Variants in DNER observed in about 807,000 individuals in gnomAD.
The protein encoded by DNER is delta and Notch-like epidermal growth factor-related receptor.
DNER carries 33 observed loss-of-function variants against 78.2 expected under a neutral mutation model. The ratio of observed to expected loss-of-function variants is 0.42; its 90% CI spans 0.32 to 0.56. The LOEUF is 0.56. Among genes scored for constraint, DNER ranks in the 20% least tolerant of loss-of-function variants. The pLI, the probability that DNER is intolerant of heterozygous loss-of-function variation, is 0.11. For missense variants in DNER, 918 were observed against 975.3 expected (o/e 0.94, Z 0.78); for synonymous variants, 417 against 384.8 (o/e 1.08, Z -0.98).
intron 1 of DNER, among the ~76,000 whole-genome samples, chr2:229,641,237 T>G (rs1574939899): frequency 6.6e-6 from 1 of 151,134 alleles, no homozygotes; most frequent in Admixed American, 6.6e-5. Context: ...GGAGTGGGGG[T>G]GAGGTTAGAG....
chr2:229,466,979 C>T (rs1001503068), intron 7 of DNER, among the ~76,000 whole-genome samples: 13 of 152,074 alleles, frequency 8.5e-5, no homozygotes, highest in Non-Finnish European at 1.6e-4. Flanking sequence ...GCATAAATTT[C>T]TTTGGTCATC....
intron 10 of DNER, among the ~76,000 whole-genome samples, chr2:229,393,446 TA>T (rs1033783462): frequency 6.7e-6 from 1 of 148,526 alleles, no homozygotes; most frequent in Non-Finnish European, 1.5e-5. Context: ...AAAATAAAAA[TA>T]AAAAAATAGT....
Position 229,443,140 on chromosome 2 carries a change from C to T in DNER, c.1486+4176G>A, listed in dbSNP as rs1410391149. ...TATTTCCACGTAAAAATCTCCAATG[C>T]CCTGTCCCTTAAATTCCCTTAAATA... On this transcript the variant is annotated intron_variant, in intron 8 of 12. Transcript: ENST00000341772. 2.6e-5 allele frequency among the ~76,000 whole-genome samples: 4 copies of T among 152,280 alleles called. 1 individual carries two copies. Among genetic ancestry groups the T allele is most frequent in the Middle Eastern group, 6.8e-3 (2 of 294 alleles).
chr2:229,469,748 G>A (rs1694883987), intron 7 of DNER, among the ~76,000 whole-genome samples: 1 of 152,214 alleles, frequency 6.6e-6, no homozygotes, highest in Admixed American at 6.5e-5. Flanking sequence ...TTCGAGACCA[G>A]CTTGGCCAAC....
intron 1 of DNER, among the ~76,000 whole-genome samples, chr2:229,668,352 G>A (rs542972458): frequency 8.0e-5 from 12 of 149,856 alleles, no homozygotes; most frequent in Middle Eastern, 3.5e-3. Context: ...ATCACTTCGC[G>A]TCCCAGAAAT....
Position 229,447,377 on chromosome 2 carries a change from G to C in DNER, c.1425C>G (p.Ser475Arg). ...CAQLIDFCAL[S>R]PCAHGTCRSV... ...TGCGGCACGTGCCATGAGCACAGGGGCTGAGGGCACAGAAGTCAATAAGCT... is the reference window on the plus strand; with the variant it reads ...TGCGGCACGTGCCATGAGCACAGGGCCTGAGGGCACAGAAGTCAATAAGCT... The change falls in exon 8 of 13, where the codon AGC (serine) becomes AGG (arginine). Residue 475 changes from serine (S) to arginine (R), a missense_variant. Coordinates refer to ENST00000341772, the MANE Select transcript of DNER (RefSeq NM_139072.4). The C allele has an allele frequency of 6.2e-7, 1 of 1,613,018 alleles. No individual in the cohort carries two copies. Among genetic ancestry groups the C allele is most frequent in the East Asian group, 2.2e-5 (1 of 44,842 alleles).
intron 1 of DNER, among the ~76,000 whole-genome samples, chr2:229,681,934 T>A (rs904511875): frequency 1.3e-5 from 2 of 152,064 alleles, no homozygotes; most frequent in Admixed American, 6.6e-5. Context: ...TTAGTAAATG[T>A]CATCTCAAGA....
chr2:229,651,711 G>T (rs1293545246), intron 1 of DNER, among the ~76,000 whole-genome samples: 2 of 152,182 alleles, frequency 1.3e-5, no homozygotes, highest in Non-Finnish European at 2.9e-5. Context: ...CCCAAACAAT[G>T]AATTTAGCCA....
Position 229,502,379 on chromosome 2 carries a change from G to T in DNER, c.1147+10404C>A, listed in dbSNP as rs1695638656. Among the ~76,000 whole-genome samples, 4 of 152,130 alleles carry T rather than the reference G, an allele frequency of 2.6e-5. No individual in the cohort carries two copies. The South Asian group carries it at 8.3e-4, about 32-fold the overall frequency. ...GCAGTGCAGAGATGGGCTGAACCTA[G>T]ATACGTTCCTCTTGCACCCTCCTTG... On this transcript the variant is annotated intron_variant, in intron 6 of 12. Transcript: ENST00000341772.
intron 1 of DNER, among the ~76,000 whole-genome samples, chr2:229,679,898 T>G (rs1559206727): frequency 6.6e-6 from 1 of 152,158 alleles, no homozygotes; most frequent in African/African-American, 2.4e-5. Context: ...CTTTCTCACA[T>G]GAGAAAGTGG....
intron 1 of DNER, among the ~76,000 whole-genome samples, chr2:229,673,042 A>G (rs1265976551): frequency 6.6e-6 from 1 of 152,126 alleles, no homozygotes; most frequent in African/African-American, 2.4e-5. Context: ...TCCACATAAC[A>G]CAGGAAGACA....
intron 7 of DNER, among the ~76,000 whole-genome samples, chr2:229,461,222 A>G (rs1182136610): frequency 6.6e-6 from 1 of 152,046 alleles, no homozygotes; most frequent in Non-Finnish European, 1.5e-5. Flanking sequence ...CATACATTAT[A>G]TATAAAGAGT....
At chr2:229,520,849 C>T (rs764448248) in intron 5 of DNER, among the ~76,000 whole-genome samples, 2 of 152,178 alleles carry the variant, frequency 1.3e-5, no homozygotes, top group Non-Finnish European at 2.9e-5. Context: ...AATCTCTGCT[C>T]GCCTTAAGGA....
chr2:229,520,048 G>C (rs1224611289), intron 5 of DNER, among the ~76,000 whole-genome samples: 1 of 152,138 alleles, frequency 6.6e-6, no homozygotes, highest in East Asian at 1.9e-4. Flanking sequence ...AACAGACTTA[G>C]GAACTTCAGG....
At chr2:229,403,778 G>A (rs900951466) in intron 10 of DNER, among the ~76,000 whole-genome samples, 4 of 151,974 alleles carry the variant, frequency 2.6e-5, no homozygotes, top group African/African-American at 9.7e-5. Flanking sequence ...GCAGAGGGGG[G>A]CTGAGAGGCA....
At chr2:229,640,987 G>A (rs576226482) in intron 1 of DNER, among the ~76,000 whole-genome samples, 1 of 152,296 alleles carries the variant, frequency 6.6e-6, no homozygotes, top group Non-Finnish European at 1.5e-5. Flanking sequence ...CAAGCAGGAA[G>A]AGAAGGTGGA....
At chr2:229,675,022 G>A (rs1271969867) in intron 1 of DNER, among the ~76,000 whole-genome samples, 1 of 151,710 alleles carries the variant, frequency 6.6e-6, no homozygotes, top group Non-Finnish European at 1.5e-5. Flanking sequence ...GTTCTGGAAG[G>A]TGGCCATCCT....
intron 8 of DNER, among the ~76,000 whole-genome samples, chr2:229,434,674 T>C (rs1003673425): frequency 2.6e-5 from 4 of 152,078 alleles, no homozygotes; most frequent in Non-Finnish European, 2.9e-5. Flanking sequence ...TCTAGGAGAA[T>C]ATATATGTTA....
intron 4 of DNER, among the ~76,000 whole-genome samples, chr2:229,572,141 G>A (rs1296054210): frequency 6.6e-6 from 1 of 152,000 alleles, no homozygotes; most frequent in South Asian, 2.1e-4. Context: ...TCTCCCTCCC[G>A]TGTTGTTACT....
Sources: gnomAD v4.1 joint callset for allele counts (sites outside exome capture counted in the v4.1 genomes callset) on GRCh38, gnomAD v4.1.1 for gene constraint, MANE v1.5 for transcripts, NCBI Gene and HGNC (gene_info 2026-07-23, HGNC 2026-07-21) for gene names.